Variants in PRKG1 observed in about 807,000 individuals in gnomAD.
The protein encoded by PRKG1 is cGMP-dependent protein kinase 1.
In PRKG1, 35 loss-of-function variants were observed where a neutral mutation model predicts 88.1. The ratio of observed to expected loss-of-function variants is 0.40; its 90% CI spans 0.30 to 0.53. PRKG1 has a LOEUF of 0.53. Ranked by LOEUF, PRKG1 falls within the 20% of genes least tolerant of loss-of-function variation. The pLI, the probability that PRKG1 is intolerant of heterozygous loss-of-function variation, is 0.59. For synonymous variants in PRKG1, 303 were observed against 292.5 expected, an observed-to-expected ratio of 1.04 and a Z score of -0.37; for missense variants, 540 against 839.8, an observed-to-expected ratio of 0.64 and a Z score of 4.41.
intron 2 of PRKG1, among the ~76,000 whole-genome samples, chr10:51,256,258 A>G (rs1373420404): frequency 6.6e-6 from 1 of 152,134 alleles, no homozygotes; most frequent in African/African-American, 2.4e-5. Context: ...ACTTGATTAC[A>G]AGTTTTTCCT....
At chr10:51,830,535 C>T (rs1200634628) in intron 4 of PRKG1, among the ~76,000 whole-genome samples, 1 of 143,680 alleles carries the variant, frequency 7.0e-6, no homozygotes, top group African/African-American at 2.5e-5. Context: ...ACTTATTGAA[C>T]TTCTCTTAAA....
intron 5 of PRKG1, among the ~76,000 whole-genome samples, chr10:51,983,429 A>G (rs991021806): frequency 6.6e-6 from 1 of 152,108 alleles, no homozygotes; most frequent in African/African-American, 2.4e-5. Flanking sequence ...TGAAAGACCT[A>G]TGATGTGGGC....
At chr10:51,092,999 G>A (rs1016125491) in intron 1 of PRKG1, among the ~76,000 whole-genome samples, 1 of 152,124 alleles carries the variant, frequency 6.6e-6, no homozygotes, top group Non-Finnish European at 1.5e-5. Context: ...TTATAAAAAC[G>A]CATGTGATGC....
intron 2 of PRKG1, among the ~76,000 whole-genome samples, chr10:51,262,576 G>T (rs1229588503): frequency 2.0e-5 from 3 of 152,314 alleles, no homozygotes; most frequent in East Asian, 3.9e-4. Context: ...TAAAGCCCAT[G>T]TATTAGTCCA....
intron 3 of PRKG1, among the ~76,000 whole-genome samples, chr10:51,572,161 G>A (rs925527124): frequency 6.6e-6 from 1 of 151,886 alleles, no homozygotes; most frequent in Middle Eastern, 3.4e-3. Context: ...AAATTTCTGA[G>A]TAAAACATAC....
intron 7 of PRKG1, among the ~76,000 whole-genome samples, chr10:52,112,553 T>C (rs1469299316): frequency 1.3e-5 from 2 of 152,194 alleles, no homozygotes; most frequent in African/African-American, 4.8e-5. Context: ...CACATAGGAT[T>C]CTTTCTCTCA....
At chr10:51,501,679 C>A (rs559671265) in intron 3 of PRKG1, among the ~76,000 whole-genome samples, 28 of 151,994 alleles carry the variant, frequency 1.8e-4, no homozygotes, top group Non-Finnish European at 4.0e-4. Flanking sequence ...AAGGGCTTGG[C>A]ATTCCTTTAG....
At chr10:51,924,738 G>T (rs10823900) in intron 5 of PRKG1, among the ~76,000 whole-genome samples, 59,363 of 146,006 alleles carry the variant, frequency 0.41, 13,656 homozygotes, top group African/African-American at 0.63. Flanking sequence ...TGTCATTCCT[G>T]TTTTTTCTTT....
chr10:51,334,457 A>G (rs1841823045), intron 2 of PRKG1, among the ~76,000 whole-genome samples: 1 of 152,190 alleles, frequency 6.6e-6, no homozygotes, highest in Admixed American at 6.5e-5. Context: ...TTATTGTTAT[A>G]AATGAATGAA....
chr10:51,587,717 A>C (rs1271667054), intron 3 of PRKG1, among the ~76,000 whole-genome samples: 2 of 152,146 alleles, frequency 1.3e-5, no homozygotes, highest in African/African-American at 2.4e-5. Flanking sequence ...AATGGTTTTG[A>C]AGTAAGTTGG....
intron 3 of PRKG1, among the ~76,000 whole-genome samples, chr10:51,768,974 T>G (rs534132492): frequency 1.7e-4 from 26 of 152,186 alleles, no homozygotes; most frequent in Non-Finnish European, 3.4e-4. Context: ...AGTGAAGATA[T>G]TTGAACATCC....
At chr10:51,078,047 C>G (rs1011645035) in intron 1 of PRKG1, among the ~76,000 whole-genome samples, 1 of 152,200 alleles carries the variant, frequency 6.6e-6, no homozygotes. Context: ...AAATTTTGAT[C>G]TAAACCCCTT....
At chr10:51,313,151 T>C (rs757291712) in intron 2 of PRKG1, among the ~76,000 whole-genome samples, 1 of 151,936 alleles carries the variant, frequency 6.6e-6, no homozygotes, top group Non-Finnish European at 1.5e-5. Context: ...TCCTCGTAAC[T>C]GATATTCTGG....
chr10:51,024,636 A>G (rs1181431084), intron 1 of PRKG1, among the ~76,000 whole-genome samples: 5 of 152,190 alleles, frequency 3.3e-5, no homozygotes, highest in Non-Finnish European at 7.3e-5. Context: ...ATTTATAAAG[A>G]AAAGAGATTT....
At chr10:51,745,646 T>C (rs1173064684) in intron 3 of PRKG1, among the ~76,000 whole-genome samples, 3 of 152,144 alleles carry the variant, frequency 2.0e-5, no homozygotes, top group African/African-American at 7.2e-5. Context: ...TAGTAAGATA[T>C]TTTGAATAAA....
At chr10:51,769,167 C>T (rs1175414279) in intron 3 of PRKG1, among the ~76,000 whole-genome samples, 4 of 152,110 alleles carry the variant, frequency 2.6e-5, no homozygotes, top group Admixed American at 6.6e-5. Flanking sequence ...GTTTCTTGGT[C>T]CCAGATTAAA....
At chr10:52,049,015 A>C (rs1845926482) in intron 5 of PRKG1, among the ~76,000 whole-genome samples, 1 of 152,166 alleles carries the variant, frequency 6.6e-6, no homozygotes, top group African/African-American at 2.4e-5. Flanking sequence ...GCAAAAGAGT[A>C]ATAATTTCAG....
intron 3 of PRKG1, among the ~76,000 whole-genome samples, chr10:51,652,138 G>A (rs1362522275): frequency 1.3e-5 from 2 of 151,864 alleles, no homozygotes; most frequent in Non-Finnish European, 2.9e-5. Context: ...AAAGCTTTAG[G>A]CTTAATATAA....
At chr10:51,303,870 G>A (rs948195855) in intron 2 of PRKG1, among the ~76,000 whole-genome samples, 13 of 151,948 alleles carry the variant, frequency 8.6e-5, no homozygotes, top group Admixed American at 6.6e-5. Flanking sequence ...ACCCAGGCTG[G>A]AGCGCAGTGG....
Sources: allele counts gnomAD v4.1 joint callset (sites outside exome capture counted in the v4.1 genomes callset), GRCh38; gene constraint gnomAD v4.1.1; transcripts MANE v1.5; gene names NCBI Gene and HGNC (gene_info 2026-07-23, HGNC 2026-07-21).